Variants in ANKRD49 observed in about 807,000 individuals in gnomAD.
ANKRD49 encodes ankyrin repeat domain 49.
A neutral mutation model predicts 19.6 loss-of-function variants in ANKRD49; 18 were observed. That is an observed-to-expected ratio of 0.92 (90% CI 0.63 to 1.36). The LOEUF (loss-of-function observed/expected upper bound fraction) is 1.36, where lower values mean the gene tolerates loss of function less well. Ranked by LOEUF, ANKRD49 falls within the 40% of genes most tolerant of loss-of-function variation. The pLI is 0.00. For missense variants in ANKRD49, 218 were observed against 281.6 expected (o/e 0.77, Z 1.62); for synonymous variants, 88 against 101.8 (o/e 0.86, Z 0.82).
Position 94,498,231 on chromosome 11 carries a change from A to G in ANKRD49, c.419A>G (p.Asp140Gly). ...QGADVHAVTV[D>G]GWTPLHSACK... ...GCCGATGTTCATGCAGTGACTGTGGATGGCTGGACGCCCCTGCACAGTGCT... is the reference window on the plus strand; with the variant it reads ...GCCGATGTTCATGCAGTGACTGTGGGTGGCTGGACGCCCCTGCACAGTGCT... The change falls in exon 3 of 3, where the codon GAT becomes GGT. Residue 140 changes from aspartate to glycine, a missense_variant. By Grantham distance (94) the Asp-to-Gly change is moderately conservative. Coordinates refer to ENST00000544612, the MANE Select transcript of ANKRD49 (RefSeq NM_017704.3). The G allele has an allele frequency of 1.2e-6, 2 of 1,614,144 alleles. No homozygotes were observed. Among genetic ancestry groups the G allele is most frequent in the Non-Finnish European group, 1.7e-6 (2 of 1,180,026 alleles).
Position 94,496,952 on chromosome 11 carries a change from G to GT in ANKRD49, c.258+2dup. 6.2e-7 allele frequency: 1 copy of GT among 1,612,332 alleles called. No homozygotes were observed. Among genetic ancestry groups the GT allele is most frequent in the Non-Finnish European group, 8.5e-7 (1 of 1,179,646 alleles). On this transcript the variant is annotated splice_donor_variant, in intron 2 of 2. Transcript: ENST00000544612. LOFTEE classifies it high-confidence loss of function. ...TCTTTGGGCTGCTGAAAAAAATCGG[G>GT]TAAAAAAAAAAATTACAGAGGGAAG...
chr11:94,496,532 C>A, intron 1 of ANKRD49, 72 bp from the exon 2 acceptor site: 1 of 635,534 alleles, frequency 1.6e-6, no homozygotes, highest in Non-Finnish European at 2.6e-6. Flanking sequence ...TATATGTTTG[C>A]AAGACTTATC....
At chr11:94,494,625 A>C (rs555505826) in intron 1 of ANKRD49, among the ~76,000 whole-genome samples, 77 of 152,266 alleles carry the variant, frequency 5.1e-4, no homozygotes, top group South Asian at 1.4e-3. Context: ...TATCAGGAAT[A>C]TCATCATCAA....
At chr11:94,495,309 T>G (rs1001272719) in intron 1 of ANKRD49, among the ~76,000 whole-genome samples, 1 of 152,132 alleles carries the variant, frequency 6.6e-6, no homozygotes, top group African/African-American at 2.4e-5. Context: ...AGACTTTAAT[T>G]AAATGTAATG....
intron 2 of ANKRD49, 143 bp downstream of exon 2, chr11:94,497,094 A>G (rs749592548): frequency 1.8e-6 from 2 of 1,098,450 alleles, no homozygotes. Context: ...GAAAGCACAT[A>G]TTAAGCTGCA....
intron 2 of ANKRD49, 35 bp downstream of exon 2, chr11:94,496,986 T>C: frequency 6.2e-7 from 1 of 1,608,246 alleles, no homozygotes; most frequent in Non-Finnish European, 8.5e-7. Flanking sequence ...AGTGTGACAG[T>C]AGGAAAAGCA....
intron 2 of ANKRD49, chr11:94,497,703 A>G: frequency 5.4e-6 from 1 of 186,698 alleles, no homozygotes; most frequent in East Asian, 1.5e-4. Flanking sequence ...AATCCTACAG[A>G]AAAATCAAGC....
At chr11:94,495,876 A>G (rs150035973) in intron 1 of ANKRD49, among the ~76,000 whole-genome samples, 3 of 152,308 alleles carry the variant, frequency 2.0e-5, no homozygotes, top group Non-Finnish European at 4.4e-5. Flanking sequence ...AGGTGAAGAC[A>G]TGGATCTTGC....
Position 94,498,649 on chromosome 11 carries a change from A to G in ANKRD49, c.*117A>G. The G allele has an allele frequency of 1.1e-6, 1 of 877,948 alleles. No individual in the cohort carries two copies. Among genetic ancestry groups the G allele is most frequent in the Non-Finnish European group, 1.8e-6 (1 of 567,884 alleles). 54.4% of individuals were successfully genotyped at this position (877,948 alleles called of 1,614,324 possible). On this transcript the variant is annotated 3_prime_UTR_variant, in exon 3 of 3. Transcript: ENST00000544612. The stretch of plus-strand genomic sequence containing the variant: ...CTACAAAAATTCAGTGACATTCATT[A>G]TAACATTCTTCCAAGTGAATTGCCT...
In ANKRD49 at chr11:94,496,653, C is replaced by T; in HGVS notation, c.-41C>T. 6.7e-7 allele frequency: 1 copy of T among 1,492,128 alleles called. No homozygotes were observed. The highest frequency in any genetic ancestry group is 9.0e-7 in the Non-Finnish European group (1 of 1,116,384). The allele number at this position is 1,492,128 out of a possible 1,614,324, so 92.4% of individuals were successfully genotyped here. A position where few individuals can be genotyped will look rare whatever the true frequency, so the allele number is the denominator to read the frequency against. On this transcript the variant is annotated 5_prime_UTR_variant, in exon 2 of 3. Transcript: ENST00000544612. ...ATTCATCTCTAGAAAGATTTATATC[C>T]TGGCATTTGAAATGCTTTTTATTTA...
rs769910387 is a variant in ANKRD49 at position 94,498,433 on chromosome 11, C to T, written c.621C>T (p.Asn207=). The part of the protein sequence containing the change: ...NRYVKPGLKN[N]LEETAFDIAR... ...ACGTCAAACCAGGGCTGAAAAACAA[C>T]TTGGAAGAAACTGCATTTGATATTG... Residue 207 remains asparagine, a synonymous_variant, in exon 3 of 3, where the codon AAC becomes AAT. Coordinates refer to ENST00000544612, the MANE Select transcript of ANKRD49 (RefSeq NM_017704.3). 9 of 1,613,768 alleles carry T rather than the reference C, an allele frequency of 5.6e-6. No homozygotes were observed. The highest frequency in any genetic ancestry group is 1.1e-5 in the South Asian group (1 of 91,072).
chr11:94,497,591 G>A (rs954641857), intron 2 of ANKRD49: 1 of 156,282 alleles, frequency 6.4e-6, no homozygotes, highest in African/African-American at 2.4e-5. Context: ...GTATTGAGAA[G>A]GAATTGAGCT....
In ANKRD49 at chr11:94,495,224, C is replaced by T. The variant is rs1039279772; in HGVS notation, c.-91+1189C>T. On this transcript the variant is annotated intron_variant, in intron 1 of 2. Coordinates refer to ENST00000544612, the MANE Select transcript of ANKRD49 (RefSeq NM_017704.3). ...CTGTTAAACTTGTGAGATTAGGTAT[C>T]AAGAAATCAGTATCTTGGGGTTATG... 3.3e-5 allele frequency among the ~76,000 whole-genome samples: 5 copies of T among 152,140 alleles called. No individual in the cohort carries two copies. In the East Asian group the frequency reaches 9.6e-4, roughly 29 times the overall value.
At position 94,496,713 on chromosome 11, in the gene ANKRD49, A is replaced by G. The variant is rs779671056; in HGVS notation, c.20A>G (p.Asn7Ser). 1.0e-5 allele frequency: 16 copies of G among 1,582,372 alleles called. No individual in the cohort carries two copies. The highest frequency in any genetic ancestry group is 1.7e-4 in the Middle Eastern group (1 of 5,910). Reference sequence around the variant, plus strand: ...TAAAAAATGGAAAAAGAAAAAGGAAATGATGATGGAATACCAGACCAAGAG... The same window carrying G: ...TAAAAAATGGAAAAAGAAAAAGGAAGTGATGATGGAATACCAGACCAAGAG... MEKEKG[N>S]DDGIPDQENS... Residue 7 changes from asparagine (N) to serine (S), a missense_variant, in exon 2 of 3, where the codon AAT (asparagine) becomes AGT (serine). By Grantham distance (46) the Asn-to-Ser change is conservative (BLOSUM62 1). Transcript: ENST00000544612.
chr11:94,495,393 A>C (rs1458192751), intron 1 of ANKRD49, among the ~76,000 whole-genome samples: 1 of 152,218 alleles, frequency 6.6e-6, no homozygotes, highest in African/African-American at 2.4e-5. Flanking sequence ...CTTATCTTTC[A>C]GCTTATAATC....
Position 94,498,283 on chromosome 11 carries a change from T to G in ANKRD49, c.471T>G (p.Ala157=). The G allele has an allele frequency of 6.2e-7, 1 of 1,614,040 alleles. No individual in the cohort carries two copies. The highest frequency in any genetic ancestry group is 8.5e-7 in the Non-Finnish European group (1 of 1,179,914). Residue 157 remains alanine, a synonymous_variant, in exon 3 of 3, where the codon GCT becomes GCG. Transcript: ENST00000544612. ...SACKWNNTRV[A]SFLLQHDADI... ...GTAAGTGGAATAATACCAGAGTGGC[T>G]TCTTTCTTACTGCAGCATGATGCAG...
In ANKRD49 at chr11:94,494,033, C is replaced by T; in HGVS notation, c.-93C>T. 6.6e-6 allele frequency: 1 copy of T among 152,506 alleles called. No homozygotes were observed. The highest frequency in any genetic ancestry group is 1.5e-5 in the Non-Finnish European group (1 of 68,220). The allele number at this position is 152,506 out of a possible 1,614,324, so 9.4% of individuals were successfully genotyped here. ...GCAAGGCGGCGATTTTCCCTTCTGT[C>T]AGGTGGGTTGTTATTCCCTGTCCCG... On this transcript the variant is annotated splice_region_variant and 5_prime_UTR_variant, in exon 1 of 3. It introduces an in-frame stop codon into an upstream open reading frame of the 5' UTR. Transcript: ENST00000544612.
chr11:94,498,005 A>G (rs1386224375), intron 2 of ANKRD49, 66 bp from the exon 3 acceptor site: 9 of 1,252,988 alleles, frequency 7.2e-6, no homozygotes, highest in Non-Finnish European at 9.8e-6. Flanking sequence ...ACACCACAAG[A>G]CAATTTTGTT....
rs766198771 is a variant in ANKRD49, at chr11:94,498,053, T to C, written c.259-18T>C. 3 of 1,536,966 alleles carry C rather than the reference T, an allele frequency of 2.0e-6. No individual in the cohort carries two copies. The highest frequency in any genetic ancestry group is 2.6e-6 in the Non-Finnish European group (3 of 1,142,954). On this transcript the variant is annotated intron_variant, in intron 2 of 2. Transcript: ENST00000544612. ...TTGGTTTGAGTTGAGTTGAAAGATT[T>C]CTTTTTTTTCTTCTCAGCTTACCAC...
Sources: allele counts gnomAD v4.1 joint callset (sites outside exome capture counted in the v4.1 genomes callset), GRCh38; gene constraint gnomAD v4.1.1; transcripts MANE v1.5; gene names NCBI Gene and HGNC (gene_info 2026-07-23, HGNC 2026-07-21).